CELSR1: variants seen among roughly 807,000 people sequenced by gnomAD.
CELSR1 encodes the protein adhesion G protein-coupled receptor C1.
Under a neutral mutation model 249.1 loss-of-function variants are expected in CELSR1, and 110 were observed. The ratio of observed to expected loss-of-function variants is 0.44; its 90% CI spans 0.38 to 0.52. CELSR1 has a LOEUF of 0.52. Ranked by LOEUF, CELSR1 falls within the 20% of genes least tolerant of loss-of-function variation. The pLI is 0.00. For missense variants in CELSR1, 4,109 were observed against 4,296.4 expected (o/e 0.96, Z 1.22); for synonymous variants, 2,113 against 1,900.0 (o/e 1.11, Z -2.92).
chr22:46,424,498 C>A (rs1336549215), intron 5 of CELSR1, among the ~76,000 whole-genome samples: 2 of 152,206 alleles, frequency 1.3e-5, no homozygotes, highest in East Asian at 3.9e-4. Flanking sequence ...TGGAAACACC[C>A]TGCAAAAAGA....
chr22:46,370,631 C>T (rs950952150), intron 25 of CELSR1, among the ~76,000 whole-genome samples: 1 of 152,200 alleles, frequency 6.6e-6, no homozygotes, highest in African/African-American at 2.4e-5. Flanking sequence ...CCTTGCCCCA[C>T]CCTGGCCTAG....
rs1198117243 is a variant in CELSR1, at chr22:46,446,189, C to T, written c.4184-6778G>A. ...CCCCACTGTCTCCCTCCTCCCAGGG[C>T]AGCTACAGATGGCCCTGTGCGTACA... On this transcript the variant is annotated intron_variant, in intron 2 of 34. Transcript: ENST00000674500. This position sits in a 1 kb window ranked among gnomAD's most constrained non-coding sequence, Gnocchi z 5.5. Among the ~76,000 whole-genome samples the T allele has an allele frequency of 6.6e-6, 1 of 152,204 alleles. No individual in the cohort carries two copies. The highest frequency in any genetic ancestry group is 2.4e-5 in the African/African-American group (1 of 41,444).
In CELSR1 at chr22:46,401,354, C is replaced by T. The variant is rs1187555991; in HGVS notation, c.5227-1452G>A. Among the ~76,000 whole-genome samples, 2 of 152,308 alleles carry T rather than the reference C, an allele frequency of 1.3e-5. No homozygotes were observed. Among genetic ancestry groups the T allele is most frequent in the Non-Finnish European group, 2.9e-5 (2 of 68,024 alleles). ...CCACCTCTCCTCTTGAAATCACCTA[C>T]GAACATGAGACAAAATATTAAAGAA... is the stretch of plus-strand genomic sequence containing the variant. On this transcript the variant is annotated intron_variant, in intron 9 of 34. Transcript: ENST00000674500. This position sits in a 1 kb window ranked among gnomAD's most constrained non-coding sequence, Gnocchi z 4.7.
intron 1 of CELSR1, among the ~76,000 whole-genome samples, chr22:46,514,332 A>C (rs371467561): frequency 6.6e-6 from 1 of 152,256 alleles, no homozygotes; most frequent in East Asian, 1.9e-4. Context: ...TGATTATTTA[A>C]GCCACACCTC....
At chr22:46,492,344 A>G (rs563365637) in intron 1 of CELSR1, among the ~76,000 whole-genome samples, 1 of 152,336 alleles carries the variant, frequency 6.6e-6, no homozygotes, top group African/African-American at 2.4e-5. Context: ...ATCTATGTAC[A>G]CTAACAACAT....
intron 24 of CELSR1, among the ~76,000 whole-genome samples, chr22:46,375,206 G>A (rs1209774309): frequency 2.0e-5 from 3 of 152,112 alleles, no homozygotes; most frequent in African/African-American, 4.8e-5. Context: ...TCCCAGGGCC[G>A]GTCCAGCCCC....
chr22:46,521,993 C>G (rs972362831), intron 1 of CELSR1, among the ~76,000 whole-genome samples: 1 of 152,210 alleles, frequency 6.6e-6, no homozygotes, highest in Non-Finnish European at 1.5e-5. Context: ...AGTTTCTCTG[C>G]ATCCTTCAAC....
Position 46,535,358 on chromosome 22 carries a change from C to T in CELSR1, c.1813G>A (p.Val605Met), listed in dbSNP as rs1210108472. Residue 605 changes from valine (V) to methionine (M), a missense_variant, in exon 1 of 35, where the codon GTG becomes ATG. Transcript: ENST00000674500. Reference sequence around the variant, plus strand: ...CCCAGAAAGGTGGAGGCCGTGTCCACCAGGCGATAGTGCAGCCGGGCGTTC... The same window carrying T: ...CCCAGAAAGGTGGAGGCCGTGTCCATCAGGCGATAGTGCAGCCGGGCGTTC... Reference protein sequence around the residue: ...GENARLHYRLVDTASTFLGGG... With the variant: ...GENARLHYRLMDTASTFLGGG... 6.8e-6 allele frequency: 11 copies of T among 1,612,310 alleles called. No homozygotes were observed. Among genetic ancestry groups the T allele is most frequent in the African/African-American group, 6.7e-5 (5 of 74,944 alleles).
Position 46,367,716 on chromosome 22 carries a change from G to C in CELSR1, c.8079+13C>G. On this transcript the variant is annotated intron_variant, in intron 28 of 34. Coordinates refer to ENST00000674500, the MANE Select transcript of CELSR1 (RefSeq NM_001378328.1). ...CAGGCAGGGGTCCCGCGGGCAACTC[G>C]GCCGTCACCTACCTGTAAGCCGCTG... 1 of 1,587,332 alleles carries C rather than the reference G, an allele frequency of 6.3e-7. No homozygotes were observed. Among genetic ancestry groups the C allele is most frequent in the Non-Finnish European group, 8.6e-7 (1 of 1,168,130 alleles).
Position 46,389,330 on chromosome 22 carries a change from C to T in CELSR1, c.6515G>A (p.Gly2172Asp). Residue 2172 changes from glycine to aspartate, a missense_variant, in exon 18 of 35, where the codon GGC (glycine) becomes GAC (aspartate). Gly to Asp is a moderately conservative substitution (Grantham distance 94). Transcript: ENST00000674500. ...GTCCTGCGTGGCTGCCAGGTCGAAG[C>T]CCTGCTGCCAGCTCTCGTGCTGAAG... is the stretch of plus-strand genomic sequence containing the variant. ...HVLQHESWQQ[G>D]FDLAATQDAD... 5 of 1,609,944 alleles carry T rather than the reference C, an allele frequency of 3.1e-6. No individual in the cohort carries two copies. The highest frequency in any genetic ancestry group is 4.2e-6 in the Non-Finnish European group (5 of 1,179,836).
At chr22:46,416,906 C>T (rs898837120) in intron 5 of CELSR1, among the ~76,000 whole-genome samples, 8 of 137,052 alleles carry the variant, frequency 5.8e-5, no homozygotes, top group African/African-American at 1.1e-4. Context: ...CTGCTGCAGA[C>T]GATTCTGCAT....
At chr22:46,478,331 G>A (rs1007845209) in intron 1 of CELSR1, among the ~76,000 whole-genome samples, 3 of 152,100 alleles carry the variant, frequency 2.0e-5, no homozygotes, top group Admixed American at 6.6e-5. Flanking sequence ...CTCTGCCCTC[G>A]TCCTGGAAAA....
rs947903387 is a variant in CELSR1, at chr22:46,428,219, G to C, written c.4611+5174C>G. Among the ~76,000 whole-genome samples the C allele has an allele frequency of 6.6e-6, 1 of 152,146 alleles. No homozygotes were observed. Among genetic ancestry groups the C allele is most frequent in the Non-Finnish European group, 1.5e-5 (1 of 68,036 alleles). ...TCCGCAGCATGCCAAAGACAGCCCC[G>C]CGCCATCTCAGAATCACCAGAACCA... On this transcript the variant is annotated intron_variant, in intron 5 of 34. Coordinates refer to ENST00000674500, the MANE Select transcript of CELSR1 (RefSeq NM_001378328.1). This position sits in a 1 kb window ranked among gnomAD's most constrained non-coding sequence, Gnocchi z 5.7.
intron 1 of CELSR1, among the ~76,000 whole-genome samples, chr22:46,511,417 C>G (rs1438335262): frequency 2.0e-5 from 3 of 152,242 alleles, no homozygotes; most frequent in Admixed American, 2.0e-4. Flanking sequence ...GGGACCAACA[C>G]GTGTGTCAAA....
Position 46,363,319 on chromosome 22 carries a change from G to A in CELSR1, c.9036-72C>T. The A allele has an allele frequency of 1.5e-6, 2 of 1,328,270 alleles. No individual in the cohort carries two copies. The highest frequency in any genetic ancestry group is 2.9e-5 in the African/African-American group (2 of 69,624). 82.3% of individuals were successfully genotyped at this position (1,328,270 alleles called of 1,614,324 possible). On this transcript the variant is annotated intron_variant, in intron 34 of 34. Transcript: ENST00000674500. The surrounding 1 kb of genome is among the most constrained non-coding windows in gnomAD (Gnocchi z 4.3). ...TAGCGGCTTGGTGGGGCCCAAGGTT[G>A]TCACACGGGGGGGCAGGATCACCCC...
rs771447758 is a variant in CELSR1 at position 46,394,279 on chromosome 22, A to G, written c.5844-17T>C. ...AGGTCGAGTCTGTGGGGAAAATAAGAGGGCAGCTGGAAGGTTTATGTAACT... is the reference window on the plus strand; with the variant it reads ...AGGTCGAGTCTGTGGGGAAAATAAGGGGGCAGCTGGAAGGTTTATGTAACT... On this transcript the variant is annotated splice_polypyrimidine_tract_variant and intron_variant, in intron 13 of 34. Coordinates refer to ENST00000674500, the MANE Select transcript of CELSR1 (RefSeq NM_001378328.1). 2.4e-5 allele frequency: 39 copies of G among 1,609,386 alleles called. No individual in the cohort carries two copies. In the South Asian group the frequency reaches 4.2e-4, roughly 17 times the overall value.
intron 1 of CELSR1, 56 bp downstream of exon 1, chr22:46,533,571 G>C (rs183271303): frequency 2.0e-6 from 3 of 1,505,592 alleles, no homozygotes; most frequent in Admixed American, 4.4e-5. Flanking sequence ...GCGGGTTCCT[G>C]AGGCTCTCCA....
intron 2 of CELSR1, among the ~76,000 whole-genome samples, chr22:46,460,197 A>C (rs1036907080): frequency 2.7e-5 from 3 of 112,948 alleles, no homozygotes; most frequent in African/African-American, 6.9e-5. Flanking sequence ...ACACACACAC[A>C]CACACACACA....
In CELSR1 at chr22:46,406,684, G is replaced by T. The variant is rs2079269656; in HGVS notation, c.5226+2312C>A. ...GCTGTCCTTAGGAGTGACAGAGAAG[G>T]GCCTGTGGCTGTCCCAGGAACCTGG... is the stretch of plus-strand genomic sequence containing the variant. On this transcript the variant is annotated intron_variant, in intron 9 of 34. Coordinates refer to ENST00000674500, the MANE Select transcript of CELSR1 (RefSeq NM_001378328.1). The surrounding 1 kb of genome is among the most constrained non-coding windows in gnomAD (Gnocchi z 5.4). 6.6e-6 allele frequency among the ~76,000 whole-genome samples: 1 copy of T among 152,190 alleles called. No individual in the cohort carries two copies. Among genetic ancestry groups the T allele is most frequent in the South Asian group, 2.1e-4 (1 of 4,834 alleles).
Sources: allele counts gnomAD v4.1 joint callset (sites outside exome capture counted in the v4.1 genomes callset), GRCh38; gene constraint gnomAD v4.1.1; non-coding constraint Gnocchi (gnomAD v3.1); transcripts MANE v1.5; gene names NCBI Gene and HGNC (gene_info 2026-07-23, HGNC 2026-07-21).